WNT8B: variants seen among roughly 807,000 people sequenced by gnomAD.
WNT8B encodes the protein protein Wnt-8b.
In WNT8B, 24 loss-of-function variants were observed where a neutral mutation model predicts 36.6. The ratio of observed to expected loss-of-function variants is 0.66; its 90% CI spans 0.48 to 0.92. The LOEUF is 0.92. Among genes scored for constraint, WNT8B ranks in the 40% least tolerant of loss-of-function variants. The pLI is 0.00. For synonymous variants in WNT8B, 199 were observed against 189.8 expected (o/e 1.05, Z -0.40); for missense variants, 402 against 470.8 (o/e 0.85, Z 1.35).
chr10:100,482,866 A>G lies in WNT8B; in HGVS notation c.*50A>G. The G allele has an allele frequency of 1.4e-6, 2 of 1,441,462 alleles. No individual in the cohort carries two copies. Among genetic ancestry groups the G allele is most frequent in the East Asian group, 2.6e-5 (1 of 38,868 alleles). 89.3% of individuals were successfully genotyped at this position (1,441,462 alleles called of 1,614,324 possible). A position where few individuals can be genotyped will look rare whatever the true frequency, so the allele number is the denominator to read the frequency against. On this transcript the variant is annotated 3_prime_UTR_variant, in exon 6 of 6. Coordinates refer to ENST00000343737, the MANE Select transcript of WNT8B (RefSeq NM_003393.4). The surrounding 1 kb of genome is among the most constrained non-coding windows in gnomAD (Gnocchi z 6.6). ...CCCACTGGTTCTTGGCTTCCTTTAG[A>G]GACCCCGGTAATTGTGGAACCTAGG...
At chr10:100,481,885 A>G (rs780984258) in intron 4 of WNT8B, 27 bp from the exon 5 acceptor site, 3 of 1,613,136 alleles carry the variant, frequency 1.9e-6, no homozygotes, top group Non-Finnish European at 1.7e-6. Context: ...TTGCTCAATG[A>G]CCTGTCCTCC....
chr10:100,466,806 A>G (rs761479679), intron 1 of WNT8B, among the ~76,000 whole-genome samples: 1 of 151,340 alleles, frequency 6.6e-6, no homozygotes, highest in Non-Finnish European at 1.5e-5. Flanking sequence ...ATGCTGCTCT[A>G]TATTGGGTGA....
chr10:100,467,836 A>G (rs563782529), intron 1 of WNT8B, among the ~76,000 whole-genome samples: 44 of 152,374 alleles, frequency 2.9e-4, no homozygotes, highest in African/African-American at 1.0e-3. Context: ...TTCAACCGTT[A>G]TCAATCTCTG....
chr10:100,482,543 G>T lies in WNT8B; in HGVS notation c.783G>T (p.Thr261=). 6.3e-7 allele frequency: 1 copy of T among 1,599,220 alleles called. No homozygotes were observed. The highest frequency in any genetic ancestry group is 8.5e-7 in the Non-Finnish European group (1 of 1,179,064). The change falls in exon 6 of 6, where the codon ACG becomes ACT. Residue 261 remains threonine (T), a synonymous_variant. Transcript: ENST00000343737. The surrounding 1 kb of genome is among the most constrained non-coding windows in gnomAD (Gnocchi z 6.6). ...CGGACTACTGCCTGGAGAACAAAAC[G>T]CTAGGGCTGCTGGGCACCGAAGGCC... The part of the protein sequence containing the change: ...DSPDYCLENK[T]LGLLGTEGRE...
chr10:100,479,774 T>C (rs1358238016), intron 2 of WNT8B, 100 bp from the exon 3 acceptor site: 2 of 1,439,692 alleles, frequency 1.4e-6, no homozygotes, highest in Non-Finnish European at 1.9e-6. Flanking sequence ...CTCCATTATT[T>C]TGGAGGGATG....
Position 100,482,879 on chromosome 10 carries a change from T to C in WNT8B, c.*63T>C. Reference sequence around the variant, plus strand: ...GGCTTCCTTTAGAGACCCCGGTAATTGTGGAACCTAGGGAATGGGGAACCC... The same window carrying C: ...GGCTTCCTTTAGAGACCCCGGTAATCGTGGAACCTAGGGAATGGGGAACCC... On this transcript the variant is annotated 3_prime_UTR_variant, in exon 6 of 6. Transcript: ENST00000343737. This position sits in a 1 kb window ranked among gnomAD's most constrained non-coding sequence, Gnocchi z 6.6. The C allele has an allele frequency of 7.0e-7, 1 of 1,427,560 alleles. No homozygotes were observed. The highest frequency in any genetic ancestry group is 9.2e-7 in the Non-Finnish European group (1 of 1,085,390). The allele number at this position is 1,427,560 out of a possible 1,614,324, so 88.4% of individuals were successfully genotyped here.
At chr10:100,475,738 A>G (rs1851030658) in intron 1 of WNT8B, among the ~76,000 whole-genome samples, 1 of 152,152 alleles carries the variant, frequency 6.6e-6, no homozygotes, top group Admixed American at 6.5e-5. Flanking sequence ...AAATCTTTGA[A>G]TGTTATTCCT....
At chr10:100,467,118 C>T (rs149063759) in intron 1 of WNT8B, among the ~76,000 whole-genome samples, 339 of 152,184 alleles carry the variant, frequency 2.2e-3, no homozygotes, top group African/African-American at 7.9e-3. Context: ...CGGAAACTAC[C>T]ATCCACTTTG....
Position 100,474,628 on chromosome 10 carries a change from G to T in WNT8B, c.69-4424G>T, listed in dbSNP as rs974090341. Among the ~76,000 whole-genome samples the T allele has an allele frequency of 4.6e-5, 7 of 152,120 alleles. No individual in the cohort carries two copies. In the South Asian group the frequency reaches 1.5e-3, roughly 32 times the overall value. ...CGCCCAGGCTGGAGTGCAGTGGCAC[G>T]ATCTTGGCTCACTGTAAACTCCACC... On this transcript the variant is annotated intron_variant, in intron 1 of 5. Coordinates refer to ENST00000343737, the MANE Select transcript of WNT8B (RefSeq NM_003393.4).
intron 1 of WNT8B, among the ~76,000 whole-genome samples, chr10:100,474,016 G>A (rs1482181517): frequency 6.6e-6 from 1 of 152,212 alleles, no homozygotes; most frequent in Non-Finnish European, 1.5e-5. Flanking sequence ...ACTACAGAAG[G>A]GGTAGGCTTG....
In WNT8B at chr10:100,479,824, G is replaced by A. The variant is rs758662054; in HGVS notation, c.103-50G>A. 1.9e-6 allele frequency: 3 copies of A among 1,604,354 alleles called. No homozygotes were observed. The South Asian group carries it at 3.4e-5, about 18-fold the overall frequency. ...AAGAGGGCTGTTTGGTCAGTTTAGG[G>A]TAAATGCCTCCTAAGTTCAGTCTGA... On this transcript the variant is annotated intron_variant, in intron 2 of 5. Coordinates refer to ENST00000343737, the MANE Select transcript of WNT8B (RefSeq NM_003393.4).
intron 1 of WNT8B, among the ~76,000 whole-genome samples, chr10:100,473,108 G>C (rs1850997605): frequency 6.6e-6 from 1 of 152,146 alleles, no homozygotes; most frequent in Non-Finnish European, 1.5e-5. Flanking sequence ...TTAGGAACTG[G>C]AGGGTATACA....
chr10:100,480,848 T>C, intron 3 of WNT8B, 150 bp from the exon 4 acceptor site: 1 of 1,007,544 alleles, frequency 9.9e-7, no homozygotes, highest in East Asian at 2.8e-5. Context: ...TGCAAAAAAA[T>C]AAAAGTTAAA....
rs1277723354 is a variant in WNT8B, at chr10:100,463,248, G to T, written c.68+12G>T. The T allele has an allele frequency of 6.2e-7, 1 of 1,612,406 alleles. No homozygotes were observed. The highest frequency in any genetic ancestry group is 1.7e-5 in the Admixed American group (1 of 59,924). On this transcript the variant is annotated intron_variant, in intron 1 of 5. Transcript: ENST00000343737. ...CTCAGCCACAGCTGGTAAGTAACCTGGACTCTTACCTGGAGCTGGGAATAG... is the reference window on the plus strand; with the variant it reads ...CTCAGCCACAGCTGGTAAGTAACCTTGACTCTTACCTGGAGCTGGGAATAG...
intron 1 of WNT8B, among the ~76,000 whole-genome samples, chr10:100,466,657 TC>T (rs1354571789): frequency 1.3e-5 from 2 of 152,128 alleles, no homozygotes; most frequent in Non-Finnish European, 2.9e-5. Flanking sequence ...AAGAAGGATC[TC>T]CTTTGTGTGC....
intron 1 of WNT8B, among the ~76,000 whole-genome samples, chr10:100,466,869 C>A (rs1194006304): frequency 6.6e-6 from 1 of 151,820 alleles, no homozygotes; most frequent in Non-Finnish European, 1.5e-5. Context: ...TGGGCTCCAA[C>A]GATGCTTGTC....
rs1851121609 is a variant in WNT8B, at chr10:100,482,151, A to C, written c.510+97A>C. 1.9e-6 allele frequency: 3 copies of C among 1,570,814 alleles called. No individual in the cohort carries two copies. Among genetic ancestry groups the C allele is most frequent in the Non-Finnish European group, 2.6e-6 (3 of 1,158,034 alleles). On this transcript the variant is annotated intron_variant, in intron 5 of 5. Transcript: ENST00000343737. This position sits in a 1 kb window ranked among gnomAD's most constrained non-coding sequence, Gnocchi z 6.6. The stretch of plus-strand genomic sequence containing the variant: ...CTTCAGTTCATTTAAAAGATTGGCA[A>C]AATGAGGTACCAAGTGGGCTGGCCC...
At position 100,471,208 on chromosome 10, in the gene WNT8B, TG is replaced by T. The variant is rs1850973546; in HGVS notation, c.69-7843del. On this transcript the variant is annotated intron_variant, in intron 1 of 5. Coordinates refer to ENST00000343737, the MANE Select transcript of WNT8B (RefSeq NM_003393.4). ...TCTAGGTTTGTATAAGTACATTCTA[TG>T]ATGTTTGCACAGTGACAAAATCACC... is the stretch of plus-strand genomic sequence containing the variant. Among the ~76,000 whole-genome samples the T allele has an allele frequency of 2.0e-5, 3 of 152,392 alleles. No individual in the cohort carries two copies. In the South Asian group the frequency reaches 6.2e-4, roughly 32 times the overall value.
At chr10:100,466,675 A>G (rs1463222985) in intron 1 of WNT8B, among the ~76,000 whole-genome samples, 1 of 152,060 alleles carries the variant, frequency 6.6e-6, no homozygotes, top group African/African-American at 2.4e-5. Context: ...GTGCTATTAC[A>G]TAGTGACAAA....
Sources: allele counts gnomAD v4.1 joint callset (sites outside exome capture counted in the v4.1 genomes callset), GRCh38; gene constraint gnomAD v4.1.1; non-coding constraint Gnocchi (gnomAD v3.1); transcripts MANE v1.5; gene names NCBI Gene and HGNC (gene_info 2026-07-23, HGNC 2026-07-21).